The following ZBED6 variants were observed in gnomAD, a reference collection of about 807,000 sequenced individuals.
ZBED6 encodes zinc finger BED-type containing 6.
ZBED6 carries 40 observed loss-of-function variants against 58.4 expected under a neutral mutation model. The observed-to-expected ratio is 0.68, with a 90% CI of 0.53 to 0.89. The LOEUF is 0.89. Ranked by LOEUF, ZBED6 falls within the 40% of genes least tolerant of loss-of-function variation. The pLI, the probability that ZBED6 is intolerant of heterozygous loss-of-function variation, is 0.00. For missense variants in ZBED6, 1,057 were observed against 1,003.9 expected, an observed-to-expected ratio of 1.05 and a Z score of -0.71; for synonymous variants, 439 against 350.6, an observed-to-expected ratio of 1.25 and a Z score of -2.82.
At chr1:203,797,834 C>G (rs1355157875) in exon 1 of ZBED6, 1 of 1,536,012 alleles carries the variant, frequency 6.5e-7, no homozygotes, top group East Asian at 2.4e-5. Context: ...TGTTAGCTTC[C>G]AATGACCCTG....
intron 10 of ZBED6, among the ~76,000 whole-genome samples, chr1:203,839,715 T>G (rs1685483587): frequency 6.6e-6 from 1 of 152,184 alleles, no homozygotes. Context: ...GACAGTAAGG[T>G]TTTAGAAGGC....
At chr1:203,835,185 G>A (rs921334948) in intron 9 of ZBED6, among the ~76,000 whole-genome samples, 2 of 152,164 alleles carry the variant, frequency 1.3e-5, no homozygotes, top group Non-Finnish European at 2.9e-5. Flanking sequence ...AACTTTCAGC[G>A]ATGAGATAAT....
At chr1:203,830,323 G>A (rs1055752945) in intron 7 of ZBED6, 120 bp downstream of exon 7, 20 of 760,310 alleles carry the variant, frequency 2.6e-5, no homozygotes, top group Middle Eastern at 2.4e-4. Context: ...CCTGTTTGAA[G>A]TAAAACACAG....
chr1:203,847,796 AC>A, intron 12 of ZBED6, 109 bp downstream of exon 12: 2 of 1,451,946 alleles, frequency 1.4e-6, no homozygotes, highest in Non-Finnish European at 1.9e-6. Context: ...TACTCAGATA[AC>A]GTTGAAAACA....
At chr1:203,830,046 A>G in intron 6 of ZBED6, 77 bp from the exon 7 acceptor site, 1 of 1,355,274 alleles carries the variant, frequency 7.4e-7, no homozygotes, top group South Asian at 1.2e-5. Context: ...TTCAAAAATA[A>G]ATGCCTGCTA....
intron 11 of ZBED6, 124 bp downstream of exon 11, chr1:203,840,498 G>GT (rs1192913435): frequency 4.4e-6 from 4 of 912,138 alleles, no homozygotes; most frequent in Non-Finnish European, 6.5e-6. Context: ...AGTTCTGTTT[G>GT]TTTTTTAAGT....
exon 1 of ZBED6, chr1:203,798,320 A>T (rs1175226068): frequency 6.5e-7 from 1 of 1,536,166 alleles, no homozygotes. Context: ...GAGCCAAGAC[A>T]TCTGCCGTTT....
At chr1:203,799,245 G>C (rs927468726) in exon 1 of ZBED6, 1 of 837,110 alleles carries the variant, frequency 1.2e-6, no homozygotes, top group Non-Finnish European at 2.0e-6. Context: ...TGCAATCAAA[G>C]ATGGTGGTTT....
chr1:203,817,428 A>G (rs989087786), intron 2 of ZBED6, among the ~76,000 whole-genome samples: 2 of 149,824 alleles, frequency 1.3e-5, no homozygotes, highest in Non-Finnish European at 3.0e-5. Flanking sequence ...ACTTTGACCT[A>G]TGCCTTACTA....
chr1:203,839,180 A>C (rs1292378135), intron 10 of ZBED6, among the ~76,000 whole-genome samples: 2 of 152,112 alleles, frequency 1.3e-5, no homozygotes, highest in Non-Finnish European at 2.9e-5. Context: ...ACGTGGACTA[A>C]ATCAAGAGAT....
chr1:203,817,145 A>G, intron 2 of ZBED6, 21 bp downstream of exon 2: 1 of 1,582,694 alleles, frequency 6.3e-7, no homozygotes, highest in African/African-American at 1.4e-5. Context: ...ACATCTTTAA[A>G]TCAGTTCTTT....
intron 3 of ZBED6, among the ~76,000 whole-genome samples, chr1:203,828,022 T>C (rs1681121842): frequency 6.7e-6 from 1 of 149,900 alleles, no homozygotes; most frequent in Non-Finnish European, 1.5e-5. Context: ...AACTACTGTA[T>C]CATCCTGCTT....
At chr1:203,818,370 G>A (rs183121911) in intron 2 of ZBED6, among the ~76,000 whole-genome samples, 200 bp from the exon 3 acceptor site, 48 of 152,118 alleles carry the variant, frequency 3.2e-4, no homozygotes, top group Admixed American at 2.5e-3. Context: ...ATCAAACGAA[G>A]GGTACTGTCA....
intron 16 of ZBED6, 64 bp from the exon 17 acceptor site, chr1:203,852,077 A>T (rs1689450643): frequency 6.2e-7 from 1 of 1,601,064 alleles, no homozygotes. Flanking sequence ...TGTCCGTGAG[A>T]CTAGGTGATT....
At chr1:203,810,004 T>G (rs905156450) in intron 1 of ZBED6, among the ~76,000 whole-genome samples, 2 of 152,160 alleles carry the variant, frequency 1.3e-5, no homozygotes, top group African/African-American at 4.8e-5. Context: ...CTTGGCAACC[T>G]AGATACTTTT....
chr1:203,831,537 G>A, intron 7 of ZBED6, 124 bp from the exon 8 acceptor site: 1 of 723,868 alleles, frequency 1.4e-6, no homozygotes, highest in South Asian at 1.8e-5. Flanking sequence ...CAGAAAGGCT[G>A]ATTGGCTTAT....
At chr1:203,843,630 G>A (rs1297203364) in intron 11 of ZBED6, among the ~76,000 whole-genome samples, 1 of 152,168 alleles carries the variant, frequency 6.6e-6, no homozygotes, top group African/African-American at 2.4e-5. Flanking sequence ...TATGCAATAT[G>A]TAAATGAATG....
intron 10 of ZBED6, among the ~76,000 whole-genome samples, chr1:203,839,625 C>T (rs12760495): frequency 6.6e-6 from 1 of 152,038 alleles, no homozygotes; most frequent in Non-Finnish European, 1.5e-5. Flanking sequence ...TTGTTTTCCT[C>T]CTTGTGTATT....
intron 7 of ZBED6, 33 bp downstream of exon 7, chr1:203,830,236 A>G (rs189430830): frequency 3.4e-4 from 514 of 1,523,140 alleles, no homozygotes; most frequent in Non-Finnish European, 4.5e-4. Flanking sequence ...GGATAGTTGT[A>G]TGTTGCTAGG....
Sources: gnomAD v4.1 joint callset for allele counts (sites outside exome capture counted in the v4.1 genomes callset) on GRCh38, gnomAD v4.1.1 for gene constraint, MANE v1.5 for transcripts, NCBI Gene and HGNC (gene_info 2026-07-23, HGNC 2026-07-21) for gene names.